Variants in GRM8 observed in about 807,000 individuals in gnomAD.
GRM8 encodes glutamate metabotropic receptor 8.
In GRM8, 47 loss-of-function variants were observed where a neutral mutation model predicts 87.2. That is an observed-to-expected ratio of 0.54 (90% confidence interval 0.43 to 0.69). The LOEUF is 0.69. Among genes scored for constraint, GRM8 ranks in the 30% least tolerant of loss-of-function variants. GRM8 has a pLI of 0.00. For missense variants in GRM8, 1,019 were observed against 1,139.2 expected, an observed-to-expected ratio of 0.89 and a Z score of 1.52; for synonymous variants, 396 against 404.5, an observed-to-expected ratio of 0.98 and a Z score of 0.25.
At chr7:127,043,446 T>G (rs1244141858) in intron 3 of GRM8, among the ~76,000 whole-genome samples, 1 of 152,170 alleles carries the variant, frequency 6.6e-6, no homozygotes, top group Admixed American at 6.5e-5. Context: ...TAAAAAAGGA[T>G]GAGTTCATGT....
intron 3 of GRM8, among the ~76,000 whole-genome samples, chr7:127,079,458 T>G (rs1345193712): frequency 6.6e-6 from 1 of 152,232 alleles, no homozygotes; most frequent in Non-Finnish European, 1.5e-5. Context: ...CAAACTTTGA[T>G]GCCTTCTAAG....
At chr7:127,069,045 G>C (rs1303226394) in intron 3 of GRM8, among the ~76,000 whole-genome samples, 2 of 152,126 alleles carry the variant, frequency 1.3e-5, no homozygotes, top group Non-Finnish European at 2.9e-5. Context: ...CATAATATAT[G>C]GTACTCAGAT....
At chr7:126,597,397 G>A (rs973498988) in intron 8 of GRM8, among the ~76,000 whole-genome samples, 17 of 151,782 alleles carry the variant, frequency 1.1e-4, no homozygotes, top group African/African-American at 3.9e-4. Context: ...TTCACATAAC[G>A]CTGATGAAAC....
intron 2 of GRM8, among the ~76,000 whole-genome samples, chr7:127,210,890 A>T (rs1218594733): frequency 6.6e-6 from 1 of 152,236 alleles, no homozygotes; most frequent in African/African-American, 2.4e-5. Flanking sequence ...CATAGGTACC[A>T]AGTTACTATA....
rs1325608020 is a variant in GRM8 at position 126,541,210 on chromosome 7, C to T, written c.1495-7323G>A. ...GCTAGAGGAGCACACAGCAGGACCA[C>T]GAAGCCCAGGGTTCATGGATGTGCA... On this transcript the variant is annotated intron_variant, in intron 8 of 10. Transcript: ENST00000339582. Among the ~76,000 whole-genome samples the T allele has an allele frequency of 3.3e-5, 5 of 152,200 alleles. No individual in the cohort carries two copies. In the South Asian group the frequency reaches 6.2e-4, roughly 19 times the overall value.
intron 2 of GRM8, among the ~76,000 whole-genome samples, chr7:127,188,724 G>T (rs1436228907): frequency 6.6e-6 from 1 of 152,150 alleles, no homozygotes; most frequent in Non-Finnish European, 1.5e-5. Context: ...AGCAAGCAAA[G>T]CTTGTTAATA....
chr7:126,706,595 A>G (rs1018817274), intron 7 of GRM8, among the ~76,000 whole-genome samples: 1 of 151,794 alleles, frequency 6.6e-6, no homozygotes, highest in African/African-American at 2.4e-5. Context: ...GGTAAATCTC[A>G]ACCTAAAACA....
chr7:126,827,089 A>G (rs1019641775), intron 6 of GRM8, among the ~76,000 whole-genome samples: 2 of 152,206 alleles, frequency 1.3e-5, no homozygotes, highest in Non-Finnish European at 2.9e-5. Context: ...CTGTTTTGGT[A>G]GCAGTACCAT....
At chr7:126,606,876 T>C (rs982033003) in intron 8 of GRM8, among the ~76,000 whole-genome samples, 3 of 152,208 alleles carry the variant, frequency 2.0e-5, no homozygotes, top group Admixed American at 1.3e-4. Flanking sequence ...ATAACTACAT[T>C]ATGCGTATAT....
intron 7 of GRM8, among the ~76,000 whole-genome samples, chr7:126,658,744 A>G (rs1049246285): frequency 6.6e-6 from 1 of 152,020 alleles, no homozygotes; most frequent in Non-Finnish European, 1.5e-5. Flanking sequence ...AAGAAGGAAG[A>G]CCAGAAATCC....
intron 7 of GRM8, among the ~76,000 whole-genome samples, chr7:126,617,891 T>A (rs1430852357): frequency 2.0e-5 from 3 of 152,126 alleles, no homozygotes; most frequent in African/African-American, 7.2e-5. Context: ...TACAAACAAA[T>A]GGAAGAACAT....
chr7:126,567,941 A>C (rs1411139304), intron 8 of GRM8, among the ~76,000 whole-genome samples: 3 of 152,122 alleles, frequency 2.0e-5, no homozygotes, highest in Non-Finnish European at 2.9e-5. Context: ...TGCTGTCCTA[A>C]ATGATGGTGA....
At chr7:126,994,019 G>C (rs928541578) in intron 3 of GRM8, among the ~76,000 whole-genome samples, 6 of 152,178 alleles carry the variant, frequency 3.9e-5, no homozygotes, top group Admixed American at 3.9e-4. Context: ...AGCTAGGGGA[G>C]TGCTTGTGCA....
chr7:127,241,172 T>C (rs1245150464), intron 2 of GRM8, among the ~76,000 whole-genome samples: 1 of 152,200 alleles, frequency 6.6e-6, no homozygotes, highest in Non-Finnish European at 1.5e-5. Context: ...CCATTTTCTC[T>C]TCTAAACTAG....
At chr7:126,663,752 C>T (rs1051288153) in intron 7 of GRM8, among the ~76,000 whole-genome samples, 3 of 152,150 alleles carry the variant, frequency 2.0e-5, no homozygotes, top group African/African-American at 4.8e-5. Context: ...TGCCTGCTCC[C>T]ACCACTCCTA....
chr7:126,599,503 A>G (rs2151069060), intron 8 of GRM8, among the ~76,000 whole-genome samples: 1 of 152,236 alleles, frequency 6.6e-6, no homozygotes, highest in East Asian at 1.9e-4. Flanking sequence ...TATACTAATC[A>G]TTGAAGACAT....
intron 6 of GRM8, among the ~76,000 whole-genome samples, chr7:126,858,989 C>T: frequency 6.6e-6 from 1 of 152,170 alleles, no homozygotes; most frequent in African/African-American, 2.4e-5. Context: ...CTCCACCCCC[C>T]ACCCCACACA....
intron 3 of GRM8, among the ~76,000 whole-genome samples, chr7:127,102,391 A>T (rs561041033): frequency 2.4e-4 from 36 of 152,310 alleles, no homozygotes; most frequent in African/African-American, 8.7e-4. Flanking sequence ...AATGGGGGAA[A>T]GTCCTCCATG....
At chr7:126,976,274 T>C (rs1428459048) in intron 3 of GRM8, among the ~76,000 whole-genome samples, 3 of 152,206 alleles carry the variant, frequency 2.0e-5, no homozygotes, top group African/African-American at 7.2e-5. Flanking sequence ...GTTCTTAAAT[T>C]TTTATGCTTC....
Sources: gnomAD v4.1 joint callset for allele counts (sites outside exome capture counted in the v4.1 genomes callset) on GRCh38, gnomAD v4.1.1 for gene constraint, MANE v1.5 for transcripts, NCBI Gene and HGNC (gene_info 2026-07-23, HGNC 2026-07-21) for gene names.